FBXO25: variants seen among roughly 807,000 people sequenced by gnomAD.
The protein encoded by FBXO25 is F-box only protein 25.
A neutral mutation model predicts 51.9 loss-of-function variants in FBXO25; 45 were observed. That is an observed-to-expected ratio of 0.87 (90% CI 0.68 to 1.11). FBXO25 has a LOEUF of 1.11. Among genes scored for constraint, FBXO25 ranks in the 50% most tolerant of loss-of-function variants. The pLI, the probability that FBXO25 is intolerant of heterozygous loss-of-function variation, is 0.00. For missense variants in FBXO25, 507 were observed against 428.5 expected (o/e 1.18, Z -1.62); for synonymous variants, 199 against 151.0 (o/e 1.32, Z -2.33).
intron 8 of FBXO25, among the ~76,000 whole-genome samples, chr8:459,569 C>G (rs1799673098): frequency 6.6e-6 from 1 of 152,156 alleles, no homozygotes; most frequent in Middle Eastern, 3.2e-3. Flanking sequence ...CATGAGGATC[C>G]TGCCTCAGGA....
At chr8:421,249 A>C (rs984597180) in intron 2 of FBXO25, among the ~76,000 whole-genome samples, 2 of 152,240 alleles carry the variant, frequency 1.3e-5, no homozygotes, top group African/African-American at 4.8e-5. Context: ...CTGAGGTGGC[A>C]CAGTTTCATC....
intron 7 of FBXO25, among the ~76,000 whole-genome samples, chr8:456,695 A>C (rs553343249): frequency 6.6e-6 from 1 of 152,204 alleles, no homozygotes; most frequent in Non-Finnish European, 1.5e-5. Flanking sequence ...CAAACTGTCA[A>C]GCAGTGTTGA....
At chr8:434,277 C>G (rs1334029071) in intron 4 of FBXO25, among the ~76,000 whole-genome samples, 1 of 152,176 alleles carries the variant, frequency 6.6e-6, no homozygotes, top group Non-Finnish European at 1.5e-5. Context: ...TCCGCACATG[C>G]TCTTTGTGGT....
At chr8:422,899 C>T (rs1353780757) in intron 2 of FBXO25, among the ~76,000 whole-genome samples, 1 of 152,120 alleles carries the variant, frequency 6.6e-6, no homozygotes, top group Admixed American at 6.6e-5. Context: ...GGGAGGTACA[C>T]AGGTCAGGAC....
chr8:415,703 C>T (rs746674790), intron 2 of FBXO25, among the ~76,000 whole-genome samples: 87 of 152,162 alleles, frequency 5.7e-4, no homozygotes, highest in Non-Finnish European at 3.4e-4. Context: ...TCTGAGGGTT[C>T]AGCTGGGGAA....
chr8:413,024 A>C (rs1368733166), intron 1 of FBXO25, 49 bp from the exon 2 acceptor site: 2 of 1,301,376 alleles, frequency 1.5e-6, no homozygotes, highest in Middle Eastern at 2.7e-4. Flanking sequence ...GTGAAAAGAA[A>C]CTTTTATGAA....
intron 1 of FBXO25, among the ~76,000 whole-genome samples, chr8:409,324 A>G (rs1228587912): frequency 2.0e-5 from 3 of 152,210 alleles, no homozygotes; most frequent in African/African-American, 7.2e-5. Context: ...CAGAGAAACA[A>G]ATCTTTTCCT....
intron 8 of FBXO25, among the ~76,000 whole-genome samples, chr8:460,908 C>T (rs1799766255): frequency 6.6e-6 from 1 of 152,102 alleles, no homozygotes; most frequent in Admixed American, 6.6e-5. Context: ...CCAGAGTCCT[C>T]AAAAGCCGTG....
At chr8:407,462 C>T (rs1468990001) in intron 1 of FBXO25, 3 of 981,830 alleles carry the variant, frequency 3.1e-6, no homozygotes, top group Admixed American at 1.2e-4. Flanking sequence ...ATTCAGGGAG[C>T]TGCGGGCGAG....
At chr8:442,051 C>A (rs1798457113) in intron 5 of FBXO25, among the ~76,000 whole-genome samples, 1 of 152,092 alleles carries the variant, frequency 6.6e-6, no homozygotes, top group Admixed American at 6.5e-5. Flanking sequence ...TTGAAAAGGG[C>A]TGTTTTTAAA....
At chr8:413,029 TATGA>T (rs1796578765) in intron 1 of FBXO25, 40 bp from the exon 2 acceptor site, 1 of 1,346,540 alleles carries the variant, frequency 7.4e-7, no homozygotes, top group South Asian at 1.9e-5. Flanking sequence ...AAGAAACTTT[TATGA>T]ATTATATATA....
In FBXO25 at chr8:476,086, G is replaced by A. The variant is rs1039933754; in HGVS notation, c.*7282G>A. On this transcript the variant is annotated 3_prime_UTR_variant, in exon 10 of 10. Transcript: ENST00000350302. ...TTGAGTTTTTATCATGAAAGGGCAT[G>A]ACATTGTCTCAAATGCTTTTTCTCC... 4 of 152,138 alleles carry A rather than the reference G, an allele frequency of 2.6e-5. No individual in the cohort carries two copies. The highest frequency in any genetic ancestry group is 9.7e-5 in the African/African-American group (4 of 41,444). 9.4% of individuals were successfully genotyped at this position (152,138 alleles called of 1,614,324 possible). A position where few individuals can be genotyped will look rare whatever the true frequency, so the allele number is the denominator to read the frequency against.
intron 5 of FBXO25, among the ~76,000 whole-genome samples, chr8:437,121 A>C (rs557248689): frequency 1.3e-5 from 2 of 152,184 alleles, no homozygotes; most frequent in East Asian, 1.9e-4. Context: ...CTTTTCTTCA[A>C]ATTTACTTTT....
At chr8:460,225 A>T (rs1176397990) in intron 8 of FBXO25, among the ~76,000 whole-genome samples, 5 of 152,174 alleles carry the variant, frequency 3.3e-5, no homozygotes, top group Non-Finnish European at 7.3e-5. Context: ...GACCCTAAAC[A>T]TACTTAAGGA....
intron 7 of FBXO25, among the ~76,000 whole-genome samples, chr8:457,510 C>G (rs548884990): frequency 1.1e-4 from 17 of 152,192 alleles, no homozygotes; most frequent in Non-Finnish European, 2.4e-4. Flanking sequence ...GGTTTGTAAA[C>G]TTGAAGTCAT....
intron 5 of FBXO25, among the ~76,000 whole-genome samples, chr8:437,801 A>AT (rs1257172784): frequency 7.0e-6 from 1 of 142,056 alleles, no homozygotes; most frequent in East Asian, 2.1e-4. Flanking sequence ...GGTATTTGGT[A>AT]TTTTTTTGCT....
At chr8:429,830 C>T (rs1563073000) in intron 2 of FBXO25, among the ~76,000 whole-genome samples, 1 of 152,222 alleles carries the variant, frequency 6.6e-6, no homozygotes, top group African/African-American at 2.4e-5. Flanking sequence ...CAGCAGTGCC[C>T]AAGAAGGTCA....
At chr8:428,172 A>G (rs778460464) in intron 2 of FBXO25, among the ~76,000 whole-genome samples, 5 of 152,180 alleles carry the variant, frequency 3.3e-5, no homozygotes, top group South Asian at 2.1e-4. Context: ...TTGAATGGAA[A>G]GGAACTTGGA....
chr8:415,534 T>C (rs1318561573), intron 2 of FBXO25, among the ~76,000 whole-genome samples: 2 of 152,180 alleles, frequency 1.3e-5, no homozygotes, highest in Admixed American at 1.3e-4. Flanking sequence ...GGGGTCCAGA[T>C]TGAAGAGAGG....
Sources: gnomAD v4.1 joint callset for allele counts (sites outside exome capture counted in the v4.1 genomes callset) on GRCh38, gnomAD v4.1.1 for gene constraint, MANE v1.5 for transcripts, NCBI Gene and HGNC (gene_info 2026-07-23, HGNC 2026-07-21) for gene names.